Variants in GYPC observed in about 807,000 individuals in gnomAD.
GYPC encodes glycophorin-C.
Under a neutral mutation model 12.6 loss-of-function variants are expected in GYPC, and 14 were observed. That is an observed-to-expected ratio of 1.11 (90% CI 0.74 to 1.74). GYPC has a LOEUF of 1.74. GYPC is among the 40% of genes most tolerant of loss of function. The pLI is 0.00. For synonymous variants in GYPC, 78 were observed against 62.1 expected, an observed-to-expected ratio of 1.26 and a Z score of -1.20; for missense variants, 225 against 172.1, an observed-to-expected ratio of 1.31 and a Z score of -1.72.
At chr2:126,665,042 T>G (rs1323976075) in intron 1 of GYPC, among the ~76,000 whole-genome samples, 4 of 152,246 alleles carry the variant, frequency 2.6e-5, no homozygotes, top group Admixed American at 2.6e-4. Flanking sequence ...GTCAGAAGAA[T>G]AGGCTACTCT....
intron 2 of GYPC, 45 bp from the exon 3 acceptor site, chr2:126,693,819 G>A: frequency 7.7e-7 from 1 of 1,296,642 alleles, no homozygotes; most frequent in East Asian, 2.3e-5. Flanking sequence ...GCTAGGCATG[G>A]AGAATCTTCC....
At chr2:126,660,181 A>G (rs1167171790) in intron 1 of GYPC, among the ~76,000 whole-genome samples, 2 of 152,082 alleles carry the variant, frequency 1.3e-5, no homozygotes, top group Admixed American at 6.5e-5. Flanking sequence ...ACACTGAGGA[A>G]CTGCATGCAC....
chr2:126,665,263 G>A (rs907058394), intron 1 of GYPC, among the ~76,000 whole-genome samples: 22 of 152,276 alleles, frequency 1.4e-4, no homozygotes, highest in African/African-American at 4.3e-4. Flanking sequence ...CTGAGAGAGA[G>A]AGAGAGACTA....
chr2:126,666,098 G>A lies in GYPC; in HGVS notation c.49+9786G>A, dbSNP rs181589932. 1.9e-3 allele frequency among the ~76,000 whole-genome samples: 293 copies of A among 152,246 alleles called. 2 individuals are homozygous for A. Among genetic ancestry groups the A allele is most frequent in the Middle Eastern group, 3.4e-3 (1 of 294 alleles). The stretch of plus-strand genomic sequence containing the variant: ...ACTTGTGTTCCCTCTGCCGTCCTCC[G>A]CAGGCACCCACCTGTGTCCCAGCAG... On this transcript the variant is annotated intron_variant, in intron 1 of 3. Transcript: ENST00000259254.
At chr2:126,677,188 TGA>T (rs1683013882) in intron 1 of GYPC, among the ~76,000 whole-genome samples, 1 of 152,058 alleles carries the variant, frequency 6.6e-6, no homozygotes, top group Non-Finnish European at 1.5e-5. Context: ...GGAATGTGCA[TGA>T]GAGTGTGTGT....
rs1360103782 is a variant in GYPC, at chr2:126,656,164, G to T, written c.-100G>T. On this transcript the variant is annotated 5_prime_UTR_variant, in exon 1 of 4. Coordinates refer to ENST00000259254, the MANE Select transcript of GYPC (RefSeq NM_002101.5). The stretch of plus-strand genomic sequence containing the variant: ...TGTGACCCAGGTGCCGCTTCCTCTC[G>T]CCGCCGAGGGTCAGGAGCCCGGGAG... The T allele has an allele frequency of 6.7e-7, 1 of 1,498,178 alleles. No homozygotes were observed. Among genetic ancestry groups the T allele is most frequent in the Admixed American group, 2.2e-5 (1 of 46,306 alleles). 92.8% of individuals were successfully genotyped at this position (1,498,178 alleles called of 1,614,324 possible). A position where few individuals can be genotyped will look rare whatever the true frequency, so the allele number is the denominator to read the frequency against.
rs371623960 is a variant in GYPC, at chr2:126,671,895, GGC to G, written c.49+15584_49+15585del. On this transcript the variant is annotated intron_variant, in intron 1 of 3. Transcript: ENST00000259254. ...GTGAGGGGGTGCCATCTTATAGGGTGGCCATAGAAGGCTTCACTAAGGGTGGC... is the reference window on the plus strand; with the variant it reads ...GTGAGGGGGTGCCATCTTATAGGGTGCATAGAAGGCTTCACTAAGGGTGGC... Among the ~76,000 whole-genome samples, 72 of 152,312 alleles carry G rather than the reference GGC, an allele frequency of 4.7e-4. 2 individuals carry two copies. Among genetic ancestry groups the G allele is most frequent in the Admixed American group, 3.4e-3 (52 of 15,292 alleles).
chr2:126,676,985 C>A lies in GYPC; in HGVS notation c.50-13270C>A, dbSNP rs80201550. Among the ~76,000 whole-genome samples, 71 of 152,284 alleles carry A rather than the reference C, an allele frequency of 4.7e-4. 2 individuals carry two copies. Among genetic ancestry groups the A allele is most frequent in the Admixed American group, 3.5e-3 (53 of 15,302 alleles). On this transcript the variant is annotated intron_variant, in intron 1 of 3. Transcript: ENST00000259254. ...AGCACAGCTGGAAGTGCTCAAGGTA[C>A]CCAGCTGCTCCAGGAGATAAAGTAC...
At chr2:126,688,035 G>A (rs772275686) in intron 1 of GYPC, among the ~76,000 whole-genome samples, 1 of 152,188 alleles carries the variant, frequency 6.6e-6, no homozygotes, top group South Asian at 2.1e-4. Context: ...CACTTTTCTG[G>A]GACGCAGCTG....
Position 126,656,303 on chromosome 2 carries a change from C to T in GYPC, c.40C>T (p.Leu14Phe), listed in dbSNP as rs121912761. The T allele has an allele frequency of 1.8e-5, 29 of 1,592,606 alleles. No homozygotes were observed. Among genetic ancestry groups the T allele is most frequent in the Non-Finnish European group, 2.4e-5 (28 of 1,171,242 alleles). ...TRSPNSTAWP[L>F]SLEPDPGMAS... ...AAGCCCCAACAGCACGGCGTGGCCTCTCAGCCTCGGTGAGTACCCGCCGTG... is the reference window on the plus strand; with the variant it reads ...AAGCCCCAACAGCACGGCGTGGCCTTTCAGCCTCGGTGAGTACCCGCCGTG... Residue 14 changes from leucine (L) to phenylalanine (F), a missense_variant, in exon 1 of 4, where the codon CTC becomes TTC. Coordinates refer to ENST00000259254, the MANE Select transcript of GYPC (RefSeq NM_002101.5).
At chr2:126,660,016 C>T (rs539290212) in intron 1 of GYPC, among the ~76,000 whole-genome samples, 4 of 152,290 alleles carry the variant, frequency 2.6e-5, no homozygotes, top group East Asian at 1.9e-4. Flanking sequence ...GGAGATAAGC[C>T]GCCATAGGGC....
chr2:126,670,325 T>C (rs1275928961), intron 1 of GYPC, among the ~76,000 whole-genome samples: 2 of 152,202 alleles, frequency 1.3e-5, no homozygotes, highest in African/African-American at 4.8e-5. Context: ...TGGAGAAGTC[T>C]CACTGTGCAG....
chr2:126,675,012 G>T (rs1277343571), intron 1 of GYPC, among the ~76,000 whole-genome samples: 1 of 152,202 alleles, frequency 6.6e-6, no homozygotes, highest in Non-Finnish European at 1.5e-5. Flanking sequence ...AGCTGTGGTA[G>T]AAAAGGACCT....
rs76457450 is a variant in GYPC at position 126,693,953 on chromosome 2, C to T, written c.190+6C>T. The T allele has an allele frequency of 5.7e-6, 9 of 1,588,660 alleles. No homozygotes were observed. The East Asian group carries it at 6.7e-5, about 12-fold the overall frequency. ...GGACATTGTCGTCATTGCAGGTGAGCTCTCATCACAGAGCCCTTCAAGCAG... is the reference window on the plus strand; with the variant it reads ...GGACATTGTCGTCATTGCAGGTGAGTTCTCATCACAGAGCCCTTCAAGCAG... On this transcript the variant is annotated splice_donor_region_variant and intron_variant, in intron 3 of 3. Coordinates refer to ENST00000259254, the MANE Select transcript of GYPC (RefSeq NM_002101.5).
chr2:126,687,137 G>C (rs1400944954), intron 1 of GYPC, among the ~76,000 whole-genome samples: 1 of 152,178 alleles, frequency 6.6e-6, no homozygotes, highest in Non-Finnish European at 1.5e-5. Context: ...AGCCGTGGAT[G>C]GCAAGCAGAC....
chr2:126,677,241 G>A (rs538336923), intron 1 of GYPC, among the ~76,000 whole-genome samples: 1 of 152,110 alleles, frequency 6.6e-6, no homozygotes, highest in East Asian at 1.9e-4. Flanking sequence ...GAGAGTGTGT[G>A]TAAGAGTATA....
chr2:126,693,249 A>G (rs1683530389), intron 2 of GYPC, among the ~76,000 whole-genome samples: 1 of 152,136 alleles, frequency 6.6e-6, no homozygotes, highest in African/African-American at 2.4e-5. Flanking sequence ...TATAAAAGCA[A>G]ATTCAGCTTT....
intron 3 of GYPC, 35 bp downstream of exon 3, chr2:126,693,982 G>A (rs1415648947): frequency 4.3e-6 from 6 of 1,395,400 alleles, no homozygotes; most frequent in Non-Finnish European, 5.1e-6. Context: ...CAAGCAGCCA[G>A]GGTGGGGGGC....
At chr2:126,683,511 C>T (rs772413816) in intron 1 of GYPC, among the ~76,000 whole-genome samples, 13 of 152,114 alleles carry the variant, frequency 8.5e-5, no homozygotes, top group African/African-American at 1.4e-4. Context: ...ACTTTGGAGA[C>T]GATGGTTCCA....
Sources: gnomAD v4.1 joint callset for allele counts (sites outside exome capture counted in the v4.1 genomes callset) on GRCh38, gnomAD v4.1.1 for gene constraint, MANE v1.5 for transcripts, NCBI Gene and HGNC (gene_info 2026-07-23, HGNC 2026-07-21) for gene names.